Variants in KIAA0319 observed in about 807,000 individuals in gnomAD.
The protein encoded by KIAA0319 is KIAA0319.
A neutral mutation model predicts 108.4 loss-of-function variants in KIAA0319; 83 were observed. That is an observed-to-expected ratio of 0.77 (90% CI 0.64 to 0.92). KIAA0319 has a LOEUF of 0.92. KIAA0319 is among the 40% of genes least tolerant of loss of function. KIAA0319 has a pLI of 0.00. For synonymous variants in KIAA0319, 484 were observed against 510.4 expected, an observed-to-expected ratio of 0.95 and a Z score of 0.70; for missense variants, 1,195 against 1,322.4, an observed-to-expected ratio of 0.90 and a Z score of 1.49.
chr6:24,559,209 T>C, intron 16 of KIAA0319, 54 bp from the exon 17 acceptor site: 1 of 1,583,420 alleles, frequency 6.3e-7, no homozygotes, highest in Non-Finnish European at 8.6e-7. Context: ...GTGACTACCA[T>C]GACACGCCCA....
In KIAA0319 at chr6:24,599,119, T is replaced by G; in HGVS notation, c.55+1930A>C. 1.5e-6 allele frequency: 1 copy of G among 667,990 alleles called. No individual in the cohort carries two copies. The highest frequency in any genetic ancestry group is 2.2e-5 in the Admixed American group (1 of 45,166). 41.4% of individuals were successfully genotyped at this position (667,990 alleles called of 1,614,324 possible). ...ATGGACAACAGCTGGTCCCTGGACA[T>G]GGACAGCATCATTGCTGAGGTCAAG... On this transcript the variant is annotated intron_variant, in intron 2 of 20. Coordinates refer to ENST00000378214, the MANE Select transcript of KIAA0319 (RefSeq NM_014809.4). The surrounding 1 kb of genome is among the most constrained non-coding windows in gnomAD (Gnocchi z 4.1).
At chr6:24,582,659 T>TA (rs3840134) in intron 5 of KIAA0319, among the ~76,000 whole-genome samples, 89,962 of 143,952 alleles carry the variant, frequency 0.62, 28,765 homozygotes, top group East Asian at 0.79. Context: ...TGTATAAAGT[T>TA]AAAAAAAAAA....
chr6:24,615,670 G>T (rs1249183555), intron 1 of KIAA0319, among the ~76,000 whole-genome samples: 1 of 152,172 alleles, frequency 6.6e-6, no homozygotes, highest in African/African-American at 2.4e-5. Context: ...CCAGCCCCAA[G>T]ACCTACTCTG....
At chr6:24,604,288 T>C (rs1179714796) in intron 1 of KIAA0319, among the ~76,000 whole-genome samples, 2 of 152,122 alleles carry the variant, frequency 1.3e-5, no homozygotes, top group South Asian at 2.1e-4. Flanking sequence ...TCTGCAGCCA[T>C]TGACTACCCC....
At position 24,616,595 on chromosome 6, in the gene KIAA0319, GC is replaced by G. The variant is rs1773191450; in HGVS notation, c.-105-15388del. 3.9e-5 allele frequency among the ~76,000 whole-genome samples: 6 copies of G among 152,148 alleles called. No homozygotes were observed. In the South Asian group the frequency reaches 1.2e-3, roughly 32 times the overall value. ...TCTCGATTTCTTGACCTCGTGATCTGCCCACCTCGGTCTCCCAAAGTGCTGG... is the reference window on the plus strand; with the variant it reads ...TCTCGATTTCTTGACCTCGTGATCTGCCACCTCGGTCTCCCAAAGTGCTGG... On this transcript the variant is annotated intron_variant, in intron 1 of 20. Coordinates refer to ENST00000378214, the MANE Select transcript of KIAA0319 (RefSeq NM_014809.4).
At chr6:24,558,062 C>A (rs1246039312) in intron 17 of KIAA0319, among the ~76,000 whole-genome samples, 1 of 151,812 alleles carries the variant, frequency 6.6e-6, no homozygotes, top group Non-Finnish European at 1.5e-5. Context: ...CCTCTTTGTG[C>A]CTCTCTGGAT....
In KIAA0319 at chr6:24,547,281, T is replaced by C; in HGVS notation, c.3103A>G (p.Ser1035Gly). ...SLMVSESEFDSDQDTIFSREK... is the reference protein window; with the variant it reads ...SLMVSESEFDGDQDTIFSREK... ...CGGCTGAAGATTGTGTCCTGGTCAC[T>C]GTCAAACTCAGACTCGGATACCATC... Residue 1035 changes from serine (S) to glycine (G), a missense_variant, in exon 21 of 21, where the codon AGT (serine) becomes GGT (glycine). Transcript: ENST00000378214. 1 of 1,614,182 alleles carries C rather than the reference T, an allele frequency of 6.2e-7. No individual in the cohort carries two copies. The highest frequency in any genetic ancestry group is 8.5e-7 in the Non-Finnish European group (1 of 1,179,986).
chr6:24,589,999 G>A (rs570743284), intron 3 of KIAA0319, among the ~76,000 whole-genome samples: 2 of 152,266 alleles, frequency 1.3e-5, no homozygotes, highest in Non-Finnish European at 2.9e-5. Flanking sequence ...GTGGGGCCAG[G>A]TAAGTAAAAC....
intron 20 of KIAA0319, among the ~76,000 whole-genome samples, chr6:24,548,284 A>G (rs988081967): frequency 6.6e-6 from 1 of 152,112 alleles, no homozygotes; most frequent in Non-Finnish European, 1.5e-5. Context: ...AGAAAAATGG[A>G]ATTTATTGGT....
chr6:24,596,576 T>C lies in KIAA0319; in HGVS notation c.98A>G (p.Asn33Ser), dbSNP rs1769643240. Reference protein sequence around the residue: ...KQCSEGRTYSNAVISPNLETT... With the variant: ...KQCSEGRTYSSAVISPNLETT... ...TTCCAAGTTAGGTGAAATGACTGCA[T>C]TGGAATATGTCCTCCCCTCGCTGCA... Residue 33 changes from asparagine to serine, a missense_variant, in exon 3 of 21, where the codon AAT becomes AGT. Coordinates refer to ENST00000378214, the MANE Select transcript of KIAA0319 (RefSeq NM_014809.4). 6.2e-7 allele frequency: 1 copy of C among 1,613,274 alleles called. No individual in the cohort carries two copies. The highest frequency in any genetic ancestry group is 8.5e-7 in the Non-Finnish European group (1 of 1,179,682).
chr6:24,606,253 ACTC>A (rs1424785564), intron 1 of KIAA0319, among the ~76,000 whole-genome samples: 1 of 151,388 alleles, frequency 6.6e-6, no homozygotes, highest in African/African-American at 2.4e-5. Flanking sequence ...GGTATTTCTG[ACTC>A]CTCATATTTC....
At chr6:24,551,585 T>C (rs1581875545) in intron 19 of KIAA0319, 60 bp from the exon 20 acceptor site, 2 of 1,151,914 alleles carry the variant, frequency 1.7e-6, no homozygotes, top group East Asian at 4.7e-5. Flanking sequence ...AGAGCTAGGA[T>C]TTAACGCACA....
chr6:24,607,380 G>GAA (rs1317458825), intron 1 of KIAA0319, among the ~76,000 whole-genome samples: 3 of 149,594 alleles, frequency 2.0e-5, no homozygotes, highest in Admixed American at 1.3e-4. Context: ...AAAAAGAAAA[G>GAA]AAAGAAAGCC....
chr6:24,615,545 C>T (rs1194994789), intron 1 of KIAA0319, among the ~76,000 whole-genome samples: 2 of 151,940 alleles, frequency 1.3e-5, no homozygotes, highest in African/African-American at 4.8e-5. Flanking sequence ...GGAAAGAGAC[C>T]TCCCACAGAG....
intron 1 of KIAA0319, among the ~76,000 whole-genome samples, chr6:24,638,855 T>G (rs1007709603): frequency 1.3e-5 from 2 of 152,208 alleles, no homozygotes; most frequent in Non-Finnish European, 2.9e-5. Context: ...ATGGTAATTA[T>G]AGTTAACAAT....
intron 2 of KIAA0319, chr6:24,598,386 G>A (rs1770074811): frequency 1.6e-6 from 1 of 621,340 alleles, no homozygotes; most frequent in Admixed American, 1.9e-5. Flanking sequence ...AGAACAAGGT[G>A]CTGGAGACCA....
At chr6:24,558,290 A>AAAGAT (rs1762583143) in intron 17 of KIAA0319, among the ~76,000 whole-genome samples, 1 of 152,056 alleles carries the variant, frequency 6.6e-6, no homozygotes, top group Non-Finnish European at 1.5e-5. Context: ...AAAGAAAAGA[A>AAAGAT]AAAAGGAGTT....
intron 1 of KIAA0319, among the ~76,000 whole-genome samples, chr6:24,643,458 C>A (rs1777222836): frequency 1.3e-5 from 2 of 152,048 alleles, no homozygotes; most frequent in South Asian, 4.1e-4. Context: ...AGAAAAATAA[C>A]CTACCAATTA....
At chr6:24,620,241 C>A (rs1773734773) in intron 1 of KIAA0319, among the ~76,000 whole-genome samples, 1 of 152,080 alleles carries the variant, frequency 6.6e-6, no homozygotes, top group Admixed American at 6.6e-5. Flanking sequence ...CTAAGAAGAT[C>A]CCAAACATGA....
Sources: gnomAD v4.1 joint callset for allele counts (sites outside exome capture counted in the v4.1 genomes callset) on GRCh38, gnomAD v4.1.1 for gene constraint, Gnocchi (gnomAD v3.1) non-coding constraint, MANE v1.5 for transcripts, NCBI Gene and HGNC (gene_info 2026-07-23, HGNC 2026-07-21) for gene names.